The following SGCZ variants were observed in gnomAD, a reference collection of about 807,000 sequenced individuals.
The protein encoded by SGCZ is sarcoglycan zeta.
In SGCZ, 40 loss-of-function variants were observed where a neutral mutation model predicts 41.3. That is an observed-to-expected ratio of 0.97 (90% CI 0.75 to 1.26). SGCZ has a LOEUF of 1.26. Among genes scored for constraint, SGCZ ranks in the 50% most tolerant of loss-of-function variants. The pLI is 0.00. For synonymous variants in SGCZ, 206 were observed against 137.5 expected, an observed-to-expected ratio of 1.50 and a Z score of -3.49; for missense variants, 552 against 369.8, an observed-to-expected ratio of 1.49 and a Z score of -4.04.
chr8:14,372,197 G>A (rs1308976496), intron 2 of SGCZ, among the ~76,000 whole-genome samples: 1 of 152,040 alleles, frequency 6.6e-6, no homozygotes, highest in African/African-American at 2.4e-5. Flanking sequence ...ACAGTAAGTA[G>A]GTCCAATATT....
At chr8:14,761,674 C>T (rs1361723247) in intron 1 of SGCZ, among the ~76,000 whole-genome samples, 3 of 151,538 alleles carry the variant, frequency 2.0e-5, no homozygotes, top group African/African-American at 7.3e-5. Context: ...TACCGGTATG[C>T]GCCGCCACAC....
intron 2 of SGCZ, among the ~76,000 whole-genome samples, chr8:14,463,646 T>A (rs1800966056): frequency 1.3e-5 from 2 of 151,804 alleles, no homozygotes; most frequent in South Asian, 2.1e-4. Context: ...CAAACTGTAT[T>A]TTGTGAAAAT....
At chr8:14,562,030 A>T (rs998763421) in intron 1 of SGCZ, among the ~76,000 whole-genome samples, 2 of 152,196 alleles carry the variant, frequency 1.3e-5, no homozygotes, top group Non-Finnish European at 2.9e-5. Context: ...AACATGGTTC[A>T]TCACTAATAA....
chr8:15,228,871 T>G (rs1801855955), intron 1 of SGCZ, among the ~76,000 whole-genome samples: 3 of 152,164 alleles, frequency 2.0e-5, no homozygotes. Flanking sequence ...CAGTTAAGCT[T>G]TATAATCTTC....
intron 1 of SGCZ, among the ~76,000 whole-genome samples, chr8:14,836,936 T>C (rs905141986): frequency 6.6e-6 from 1 of 152,228 alleles, no homozygotes; most frequent in Non-Finnish European, 1.5e-5. Context: ...TGTCCAGCTT[T>C]AAATTAGAAT....
chr8:14,940,084 T>A (rs1800220041), intron 1 of SGCZ, among the ~76,000 whole-genome samples: 1 of 152,176 alleles, frequency 6.6e-6, no homozygotes, highest in Admixed American at 6.6e-5. Flanking sequence ...CACTCTTAAG[T>A]CACTGGAAAA....
chr8:14,463,693 C>G (rs1800967976), intron 2 of SGCZ, among the ~76,000 whole-genome samples: 1 of 151,638 alleles, frequency 6.6e-6, no homozygotes, highest in South Asian at 2.1e-4. Flanking sequence ...ACTATCAGGT[C>G]TTGTTCTTGA....
intron 2 of SGCZ, among the ~76,000 whole-genome samples, chr8:14,431,533 A>G (rs1398941118): frequency 6.6e-6 from 1 of 152,216 alleles, no homozygotes; most frequent in African/African-American, 2.4e-5. Context: ...TTATACAAAA[A>G]TCAACTCAAG....
At chr8:15,132,939 A>G (rs1053025216) in intron 1 of SGCZ, among the ~76,000 whole-genome samples, 1 of 152,150 alleles carries the variant, frequency 6.6e-6, no homozygotes, top group African/African-American at 2.4e-5. Flanking sequence ...CCAAGAGTTC[A>G]AGATCAGCCT....
intron 2 of SGCZ, among the ~76,000 whole-genome samples, chr8:14,547,723 A>T (rs1159203048): frequency 6.6e-6 from 1 of 152,168 alleles, no homozygotes; most frequent in Non-Finnish European, 1.5e-5. Context: ...AAGCCAGAGA[A>T]GTTCAGTAAT....
intron 1 of SGCZ, among the ~76,000 whole-genome samples, chr8:14,778,373 T>G (rs1477705721): frequency 2.6e-5 from 4 of 152,066 alleles, no homozygotes; most frequent in African/African-American, 9.7e-5. Context: ...TTTCAGTGAG[T>G]CCATTGTATT....
intron 3 of SGCZ, among the ~76,000 whole-genome samples, chr8:14,295,262 G>C (rs1043095560): frequency 7.2e-5 from 11 of 152,238 alleles, no homozygotes; most frequent in African/African-American, 2.6e-4. Context: ...CCATGAAAGG[G>C]AACAAGATTA....
In SGCZ at chr8:14,567,586, A is replaced by C. The variant is rs181785378; in HGVS notation, c.40-12660T>G. ...GATGTGGGTGGGGCTAGATAAGAGA[A>C]TAAAAGCAGGCTGCCTAAGCCAGCA... is the stretch of plus-strand genomic sequence containing the variant. On this transcript the variant is annotated intron_variant, in intron 1 of 7. Coordinates refer to ENST00000382080, the MANE Select transcript of SGCZ (RefSeq NM_139167.4). Among the ~76,000 whole-genome samples, 31 of 152,300 alleles carry C rather than the reference A, an allele frequency of 2.0e-4. No individual in the cohort carries two copies. In the Middle Eastern group the frequency reaches 0.01, roughly 50 times the overall value.
chr8:14,302,906 T>A (rs1801243196), intron 3 of SGCZ, among the ~76,000 whole-genome samples: 1 of 152,202 alleles, frequency 6.6e-6, no homozygotes, highest in Non-Finnish European at 1.5e-5. Flanking sequence ...AATTTTCTTT[T>A]CAATTTCATT....
At chr8:14,138,346 A>C (rs1261384185) in intron 5 of SGCZ, among the ~76,000 whole-genome samples, 3 of 152,306 alleles carry the variant, frequency 2.0e-5, no homozygotes, top group Middle Eastern at 3.4e-3. Flanking sequence ...TATTAACCTT[A>C]AATGTAAATG....
At chr8:14,377,356 G>T (rs1033964806) in intron 2 of SGCZ, among the ~76,000 whole-genome samples, 1 of 152,068 alleles carries the variant, frequency 6.6e-6, no homozygotes, top group Non-Finnish European at 1.5e-5. Flanking sequence ...CTTGCCCTAT[G>T]TGTCTCCTTC....
At chr8:15,001,727 T>G (rs1802427871) in intron 1 of SGCZ, among the ~76,000 whole-genome samples, 1 of 41,158 alleles carries the variant, frequency 2.4e-5, no homozygotes. Context: ...AGACTCCGTC[T>G]CAAAAAAAAA....
At chr8:14,389,457 T>A (rs1804683106) in intron 2 of SGCZ, among the ~76,000 whole-genome samples, 12 of 129,614 alleles carry the variant, frequency 9.3e-5, no homozygotes, top group African/African-American at 2.4e-4. Context: ...AAAGAGAAAA[T>A]CACAAACTAA....
chr8:14,755,529 A>T (rs1176981895), intron 1 of SGCZ, among the ~76,000 whole-genome samples: 11 of 152,192 alleles, frequency 7.2e-5, no homozygotes, highest in Admixed American at 1.3e-4. Context: ...TTCTTTTAAT[A>T]AGCTCTTAAC....
Sources: allele counts gnomAD v4.1 joint callset (sites outside exome capture counted in the v4.1 genomes callset), GRCh38; gene constraint gnomAD v4.1.1; transcripts MANE v1.5; gene names NCBI Gene and HGNC (gene_info 2026-07-23, HGNC 2026-07-21).